EDNRB: variants seen among roughly 807,000 people sequenced by gnomAD.
The protein encoded by EDNRB is endothelin receptor type B, also known as Hirschsprung disease 2.
A neutral mutation model predicts 46.4 loss-of-function variants in EDNRB; 18 were observed. That is an observed-to-expected ratio of 0.39 (90% CI 0.27 to 0.57). EDNRB has a LOEUF of 0.57. Ranked by LOEUF, EDNRB falls within the 20% of genes least tolerant of loss-of-function variation. The pLI is 0.61. For missense variants in EDNRB, 434 were observed against 537.5 expected (o/e 0.81, Z 1.90); for synonymous variants, 213 against 204.9 (o/e 1.04, Z -0.34).
chr13:77,933,940 G>C (rs1479674864), intron 1 of EDNRB, among the ~76,000 whole-genome samples: 6 of 152,170 alleles, frequency 3.9e-5, no homozygotes. Flanking sequence ...AGAAAAACAG[G>C]TATTAAAGGT....
upstream of EDNRB, among the ~76,000 whole-genome samples, chr13:77,922,220 T>C (rs141472477): frequency 7.8e-4 from 119 of 152,264 alleles, no homozygotes; most frequent in African/African-American, 2.7e-3. Context: ...AATTCCAGAT[T>C]GGCTAAGATC....
At chr13:77,937,473 G>T (rs181358738) in intron 1 of EDNRB, among the ~76,000 whole-genome samples, 1 of 152,334 alleles carries the variant, frequency 6.6e-6, no homozygotes. Flanking sequence ...GTAGGACAGA[G>T]TTAGATATTG....
chr13:77,918,499 C>T lies in EDNRB; in HGVS notation c.75G>A (p.Trp25Ter). The T allele has an allele frequency of 6.3e-7, 1 of 1,574,822 alleles. No homozygotes were observed. ...LVLACGLSRI[W>*]GEERGFPPDR... ...CAGGCGGGAAGCCTCTCTCCTCTCCCCAGATCCGCGACAGGCCGCAGGCAA... is the reference window on the plus strand; with the variant it reads ...CAGGCGGGAAGCCTCTCTCCTCTCCTCAGATCCGCGACAGGCCGCAGGCAA... Residue 25 changes from tryptophan to a stop codon, truncating the protein, a stop_gained, in exon 1 of 7, where the codon TGG (tryptophan) becomes TGA (stop). Transcript: ENST00000646607. LOFTEE classifies it high-confidence loss of function. This position sits in a 1 kb window ranked among gnomAD's most constrained non-coding sequence, Gnocchi z 4.5.
At chr13:77,946,242 T>A (rs1880910788) in intron 1 of EDNRB, among the ~76,000 whole-genome samples, 1 of 152,186 alleles carries the variant, frequency 6.6e-6, no homozygotes, top group Non-Finnish European at 1.5e-5. Context: ...TACACCTATA[T>A]TCTATAGTAT....
intron 1 of EDNRB, among the ~76,000 whole-genome samples, chr13:77,961,070 T>G (rs1881396342): frequency 6.6e-6 from 1 of 152,102 alleles, no homozygotes; most frequent in South Asian, 2.1e-4. Flanking sequence ...AGAAAGAGAC[T>G]TAGACTCCCA....
intron 1 of EDNRB, among the ~76,000 whole-genome samples, chr13:77,928,940 T>C (rs1172877943): frequency 6.6e-6 from 1 of 152,226 alleles, no homozygotes; most frequent in Non-Finnish European, 1.5e-5. Flanking sequence ...TTAAATTTAC[T>C]TAAGTTCTAG....
At chr13:77,971,609 G>A (rs1420284089) in intron 1 of EDNRB, among the ~76,000 whole-genome samples, 1 of 149,888 alleles carries the variant, frequency 6.7e-6, no homozygotes, top group Non-Finnish European at 1.5e-5. Flanking sequence ...TTTAACTCAT[G>A]GAAAGCTTGC....
intron 6 of EDNRB, 37 bp downstream of exon 6, chr13:77,899,822 A>G (rs1183430904): frequency 6.6e-7 from 1 of 1,512,052 alleles, no homozygotes; most frequent in African/African-American, 1.4e-5. Context: ...TTTGAGCCAT[A>G]TTACAAAGAG....
chr13:77,919,690 A>C, upstream of EDNRB: 1 of 1,412,982 alleles, frequency 7.1e-7, no homozygotes, highest in Non-Finnish European at 9.6e-7. Context: ...CCCTTGGGCG[A>C]TGCCTGGACA....
Position 77,918,277 on chromosome 13 carries a change from A to C in EDNRB, c.297T>G (p.Thr99=), listed in dbSNP as rs749414285. Residue 99 remains threonine, a synonymous_variant, in exon 1 of 7, where the codon ACT becomes ACG. Transcript: ENST00000646607. This position sits in a 1 kb window ranked among gnomAD's most constrained non-coding sequence, Gnocchi z 4.5. ...PCQGPIEIKE[T]FKYINTVVSC... ...ACACAACCGTGTTGATGTATTTGAA[A>C]GTCTCCTTGATCTCGATGGGTCCTT... 5.0e-6 allele frequency: 8 copies of C among 1,613,990 alleles called. No homozygotes were observed. In the Admixed American group the frequency reaches 1.3e-4, roughly 27 times the overall value.
chr13:77,924,615 A>T (rs1403740994), upstream of EDNRB, among the ~76,000 whole-genome samples: 1 of 152,194 alleles, frequency 6.6e-6, no homozygotes, highest in Admixed American at 6.5e-5. Context: ...ATACATCTAT[A>T]TTGTTATGTA....
Position 77,903,336 on chromosome 13 carries a change from A to C in EDNRB, c.621T>G (p.Ser207Arg). ...IDRYRAVASW[S>R]RIKGIGVPKW... ...TTGGAACCCCAATTCCTTTAATTCT[A>C]CTCCAAGAAGCAACAGCTCGATATC... Residue 207 changes from serine to arginine, a missense_variant, in exon 3 of 7, where the codon AGT becomes AGG. Transcript: ENST00000646607. 1.9e-6 allele frequency: 3 copies of C among 1,612,912 alleles called. No homozygotes were observed. The highest frequency in any genetic ancestry group is 2.5e-6 in the Non-Finnish European group (3 of 1,179,342).
At chr13:77,948,238 AT>A (rs201104145) in intron 1 of EDNRB, among the ~76,000 whole-genome samples, 23 of 151,628 alleles carry the variant, frequency 1.5e-4, no homozygotes, top group Non-Finnish European at 2.9e-4. Context: ...TCAAATAGGA[AT>A]TTTTTTTTCA....
intron 1 of EDNRB, among the ~76,000 whole-genome samples, chr13:77,958,880 T>C (rs952299872): frequency 6.6e-6 from 1 of 152,212 alleles, no homozygotes; most frequent in African/African-American, 2.4e-5. Flanking sequence ...TCATTCTATC[T>C]GATCTGAGCA....
upstream of EDNRB, chr13:77,919,059 T>A (rs1879975412): frequency 3.7e-6 from 2 of 537,914 alleles, no homozygotes; most frequent in Non-Finnish European, 2.8e-6. Context: ...CAGGGGAACC[T>A]CTATACCCCG....
intron 1 of EDNRB, among the ~76,000 whole-genome samples, chr13:77,950,648 G>A (rs1881064985): frequency 6.6e-6 from 1 of 152,152 alleles, no homozygotes; most frequent in Admixed American, 6.6e-5. Flanking sequence ...CAGCAAAAAT[G>A]CTCGAACATA....
rs556887964 is a variant in EDNRB, at chr13:77,955,926, A to G, written c.-52+19421T>C. Among the ~76,000 whole-genome samples, 77 of 151,820 alleles carry G rather than the reference A, an allele frequency of 5.1e-4. 1 individual carries two copies. The highest frequency in any genetic ancestry group is 1.6e-3 in the African/African-American group (68 of 41,374). On this transcript the variant is annotated intron_variant, in intron 1 of 7. Coordinates refer to the EDNRB transcript ENST00000646948. ...ATGCCAGTACCATACTGTTTTAATC[A>G]CAGTAGTTTTTAATATATTTTAAAA...
intron 1 of EDNRB, among the ~76,000 whole-genome samples, chr13:77,935,550 TAGA>T (rs561218007): frequency 3.7e-4 from 57 of 152,288 alleles, no homozygotes; most frequent in African/African-American, 1.3e-3. Context: ...AGTTGTTTTG[TAGA>T]AGGTGTTGGG....
intron 5 of EDNRB, 78 bp from the exon 6 acceptor site, chr13:77,900,045 G>T: frequency 7.9e-7 from 1 of 1,267,290 alleles, no homozygotes; most frequent in Non-Finnish European, 1.1e-6. Flanking sequence ...CTGTGCTTTT[G>T]TAAGGAAAAA....
Sources: allele counts gnomAD v4.1 joint callset (sites outside exome capture counted in the v4.1 genomes callset), GRCh38; gene constraint gnomAD v4.1.1; non-coding constraint Gnocchi (gnomAD v3.1); transcripts MANE v1.5; gene names NCBI Gene and HGNC (gene_info 2026-07-23, HGNC 2026-07-21).